Variants in USP3 observed in about 807,000 individuals in gnomAD.
The protein encoded by USP3 is ubiquitin carboxyl-terminal hydrolase 3.
In USP3, 20 loss-of-function variants were observed where a neutral mutation model predicts 72.3. The observed-to-expected ratio is 0.28, with a 90% CI of 0.19 to 0.40. USP3 has a LOEUF of 0.40. USP3 is among the 10% of genes least tolerant of loss of function. USP3 has a pLI of 1.00. For synonymous variants in USP3, 222 were observed against 225.3 expected, an observed-to-expected ratio of 0.99 and a Z score of 0.13; for missense variants, 479 against 633.9, an observed-to-expected ratio of 0.76 and a Z score of 2.62.
intron 6 of USP3, among the ~76,000 whole-genome samples, chr15:63,558,428 T>C (rs2066547538): frequency 1.3e-5 from 2 of 152,142 alleles, no homozygotes; most frequent in South Asian, 2.1e-4. Context: ...CTGCAGTGAA[T>C]AGTTGTTTGC....
intron 11 of USP3, among the ~76,000 whole-genome samples, chr15:63,583,186 A>C (rs2066994786): frequency 6.6e-6 from 1 of 152,178 alleles, no homozygotes; most frequent in Non-Finnish European, 1.5e-5. Flanking sequence ...TAGCACAGGC[A>C]ACAATGTCTT....
chr15:63,532,153 GCAA>G (rs2066085801), intron 1 of USP3, among the ~76,000 whole-genome samples: 1 of 152,054 alleles, frequency 6.6e-6, no homozygotes, highest in Admixed American at 6.5e-5. Context: ...TATATTTTAT[GCAA>G]CTAAGAATTA....
intron 5 of USP3, among the ~76,000 whole-genome samples, chr15:63,557,133 C>T (rs968313948): frequency 2.6e-5 from 4 of 152,258 alleles, no homozygotes; most frequent in Admixed American, 6.5e-5. Context: ...TACAGTGGCG[C>T]AGTCTCGGCT....
chr15:63,558,735 C>T (rs775274938), intron 6 of USP3, among the ~76,000 whole-genome samples: 7 of 151,980 alleles, frequency 4.6e-5, no homozygotes, highest in Non-Finnish European at 8.8e-5. Context: ...ATTAGCTGGG[C>T]GTGGTGGCAT....
chr15:63,513,584 AC>A (rs1345457060), intron 1 of USP3, among the ~76,000 whole-genome samples: 1 of 151,912 alleles, frequency 6.6e-6, no homozygotes. Context: ...TCTCGATGTT[AC>A]CCAGGTCTTG....
intron 11 of USP3, among the ~76,000 whole-genome samples, chr15:63,576,377 T>C (rs2066863851): frequency 6.6e-6 from 1 of 152,248 alleles, no homozygotes; most frequent in Admixed American, 6.5e-5. Context: ...TTTAGGCTTC[T>C]TTCCTTGCTT....
At chr15:63,558,645 C>T (rs901547643) in intron 6 of USP3, among the ~76,000 whole-genome samples, 3 of 152,024 alleles carry the variant, frequency 2.0e-5, no homozygotes, top group African/African-American at 4.8e-5. Flanking sequence ...GAGGCTGAGG[C>T]GGGCAGATCA....
Position 63,588,499 on chromosome 15 carries a change from T to C in USP3, c.1215+76T>C, listed in dbSNP as rs560344121. The C allele has an allele frequency of 1.5e-5, 17 of 1,143,338 alleles. No homozygotes were observed. Among genetic ancestry groups the C allele is most frequent in the Non-Finnish European group, 2.0e-5 (16 of 784,488 alleles). 70.8% of individuals were successfully genotyped at this position (1,143,338 alleles called of 1,614,324 possible). A position where few individuals can be genotyped will look rare whatever the true frequency, so the allele number is the denominator to read the frequency against. ...ACTGCTAAGACCATGTCTATAACTT[T>C]ACACTATGTGAACTGTTCTGTATTT... On this transcript the variant is annotated intron_variant, in intron 12 of 14. Coordinates refer to ENST00000380324, the MANE Select transcript of USP3 (RefSeq NM_006537.4). The surrounding 1 kb of genome is among the most constrained non-coding windows in gnomAD (Gnocchi z 4.6).
intron 2 of USP3, among the ~76,000 whole-genome samples, chr15:63,533,217 C>T (rs530840015): frequency 7.2e-5 from 11 of 151,990 alleles, no homozygotes; most frequent in Non-Finnish European, 1.3e-4. Context: ...AGAAAAAAAC[C>T]CTTAAAATAT....
rs114861189 is a variant in USP3, at chr15:63,574,525, A to G, written c.1096+122A>G. The G allele has an allele frequency of 1.6e-3, 1,075 of 686,066 alleles. 13 individuals are homozygous for G. In the African/African-American group the frequency reaches 0.018, roughly 12 times the overall value. 42.5% of individuals were successfully genotyped at this position (686,066 alleles called of 1,614,324 possible). On this transcript the variant is annotated intron_variant, in intron 11 of 14. Transcript: ENST00000380324. This position sits in a 1 kb window ranked among gnomAD's most constrained non-coding sequence, Gnocchi z 4.6. ...AATGAATCTGTGTTGTAACTTAACA[A>G]AAGTCAAACTTGAATGTCTTTTCCT...
chr15:63,552,930 G>A (rs977004139), intron 3 of USP3, among the ~76,000 whole-genome samples: 1 of 152,166 alleles, frequency 6.6e-6, no homozygotes, highest in Non-Finnish European at 1.5e-5. Flanking sequence ...CTTAGTGCCA[G>A]CTTGTAAATT....
chr15:63,538,142 G>A (rs2066187362), intron 3 of USP3, among the ~76,000 whole-genome samples: 1 of 152,154 alleles, frequency 6.6e-6, no homozygotes, highest in Admixed American at 6.5e-5. Flanking sequence ...TGTGAGTGAT[G>A]CTTAATGATC....
intron 7 of USP3, among the ~76,000 whole-genome samples, chr15:63,561,398 G>A (rs1171701314): frequency 2.0e-5 from 3 of 152,154 alleles, no homozygotes; most frequent in African/African-American, 7.2e-5. Context: ...GGAGTCCGAG[G>A]CAGCAGCACC....
At position 63,559,840 on chromosome 15, in the gene USP3, C is replaced by G; in HGVS notation, c.534-17C>G. Reference sequence around the variant, plus strand: ...TTCTTTTCTTTTTAAAATATTTTTCCCTTCCTTTTAAAATAGTAACATTGA... The same window carrying G: ...TTCTTTTCTTTTTAAAATATTTTTCGCTTCCTTTTAAAATAGTAACATTGA... On this transcript the variant is annotated splice_polypyrimidine_tract_variant and intron_variant, in intron 6 of 14. Coordinates refer to ENST00000380324, the MANE Select transcript of USP3 (RefSeq NM_006537.4). 1 of 1,594,280 alleles carries G rather than the reference C, an allele frequency of 6.3e-7. No homozygotes were observed. Among genetic ancestry groups the G allele is most frequent in the African/African-American group, 1.4e-5 (1 of 73,756 alleles).
intron 7 of USP3, among the ~76,000 whole-genome samples, chr15:63,561,834 A>G (rs1471557409): frequency 1.3e-5 from 2 of 152,206 alleles, no homozygotes; most frequent in Non-Finnish European, 1.5e-5. Context: ...GAGAAAGAAG[A>G]TATTGAGATT....
chr15:63,580,920 T>A (rs1346197013), intron 11 of USP3, among the ~76,000 whole-genome samples: 1 of 151,804 alleles, frequency 6.6e-6, no homozygotes, highest in Non-Finnish European at 1.5e-5. Flanking sequence ...GCGATTCTCC[T>A]GCCTCAGCCT....
intron 8 of USP3, among the ~76,000 whole-genome samples, chr15:63,564,807 A>C: frequency 6.6e-6 from 1 of 152,196 alleles, no homozygotes; most frequent in East Asian, 1.9e-4. Flanking sequence ...GTTCTGCAGT[A>C]ATTGAGATTG....
chr15:63,566,864 T>C (rs767578552), intron 8 of USP3, among the ~76,000 whole-genome samples: 22 of 152,226 alleles, frequency 1.4e-4, no homozygotes, highest in Non-Finnish European at 2.9e-4. Flanking sequence ...ATTTAACTTA[T>C]TTTCGTTTTG....
intron 7 of USP3, among the ~76,000 whole-genome samples, chr15:63,561,735 A>C (rs1474907689): frequency 6.6e-6 from 1 of 152,236 alleles, no homozygotes; most frequent in Non-Finnish European, 1.5e-5. Context: ...TCTTAAAAGT[A>C]GGGATTCTCC....
Sources: allele counts gnomAD v4.1 joint callset (sites outside exome capture counted in the v4.1 genomes callset), GRCh38; gene constraint gnomAD v4.1.1; non-coding constraint Gnocchi (gnomAD v3.1); transcripts MANE v1.5; gene names NCBI Gene and HGNC (gene_info 2026-07-23, HGNC 2026-07-21).